Variants in ZFP36 observed in about 807,000 individuals in gnomAD.
ZFP36 encodes ZFP36 zinc finger CCCH-type, also known as mRNA decay activator protein ZFP36.
In ZFP36, 13 loss-of-function variants were observed where a neutral mutation model predicts 19.8. The ratio of observed to expected loss-of-function variants is 0.66; its 90% confidence interval spans 0.43 to 1.04. The LOEUF (loss-of-function observed/expected upper bound fraction) is 1.04. ZFP36 is among the 50% of genes least tolerant of loss of function. ZFP36 has a pLI of 0.00. For synonymous variants in ZFP36, 191 were observed against 194.5 expected, an observed-to-expected ratio of 0.98 and a Z score of 0.15; for missense variants, 354 against 441.6, an observed-to-expected ratio of 0.80 and a Z score of 1.78.
chr19:39,406,884 C>A lies in ZFP36; in HGVS notation c.-21C>A. 1 of 1,607,942 alleles carries A rather than the reference C, an allele frequency of 6.2e-7. No homozygotes were observed. Among genetic ancestry groups the A allele is most frequent in the South Asian group, 1.1e-5 (1 of 90,334 alleles). ...GCGCTCCCACTCTCGGCCGACACCCCTCATGGCCAACCGTTACACCATGGA... is the reference window on the plus strand; with the variant it reads ...GCGCTCCCACTCTCGGCCGACACCCATCATGGCCAACCGTTACACCATGGA... On this transcript the variant is annotated 5_prime_UTR_variant, in exon 1 of 2. Transcript: ENST00000597629.
chr19:39,408,776 C>T lies in ZFP36; in HGVS notation c.*77C>T, dbSNP rs968075071. 7 of 1,396,306 alleles carry T rather than the reference C, an allele frequency of 5.0e-6. No individual in the cohort carries two copies. Among genetic ancestry groups the T allele is most frequent in the Admixed American group, 4.7e-5 (2 of 42,114 alleles). 86.5% of individuals were successfully genotyped at this position (1,396,306 alleles called of 1,614,324 possible). A position where few individuals can be genotyped will look rare whatever the true frequency, so the allele number is the denominator to read the frequency against. ...CTTGCACTGTGGTCTCTGCATGGAC[C>T]CCAGGGCTGTGGGGACTTGGGGGAC... On this transcript the variant is annotated 3_prime_UTR_variant, in exon 2 of 2. Coordinates refer to ENST00000597629, the MANE Select transcript of ZFP36 (RefSeq NM_003407.5). The surrounding 1 kb of genome is among the most constrained non-coding windows in gnomAD (Gnocchi z 6.0).
intron 1 of ZFP36, 53 bp downstream of exon 1, chr19:39,406,981 C>G: frequency 6.3e-7 from 1 of 1,598,834 alleles, no homozygotes; most frequent in East Asian, 2.3e-5. Context: ...AGTCCGAGTC[C>G]CCACCTCTCT....
In ZFP36 at chr19:39,407,983, C is replaced by T; in HGVS notation, c.265C>T (p.Pro89Ser). Residue 89 changes from proline (P) to serine (S), a missense_variant, in exon 2 of 2, where the codon CCC becomes TCC. By Grantham distance (74) the Pro-to-Ser change is moderately conservative. Coordinates refer to ENST00000597629, the MANE Select transcript of ZFP36 (RefSeq NM_003407.5). This position sits in a 1 kb window ranked among gnomAD's most constrained non-coding sequence, Gnocchi z 7.6. Reference sequence around the variant, plus strand: ...TCCCCGCCTGGGCCCTGAGCTGTCACCCTCACCCACTTCGCCCACTGCAAC... The same window carrying T: ...TCCCCGCCTGGGCCCTGAGCTGTCATCCTCACCCACTTCGCCCACTGCAAC... ...LAPRLGPELS[P>S]SPTSPTATST... 1 of 1,608,826 alleles carries T rather than the reference C, an allele frequency of 6.2e-7. No homozygotes were observed. Among genetic ancestry groups the T allele is most frequent in the Non-Finnish European group, 8.5e-7 (1 of 1,179,568 alleles).
In ZFP36 at chr19:39,407,185, G is replaced by A; in HGVS notation, c.24+257G>A. On this transcript the variant is annotated intron_variant, in intron 1 of 1. Transcript: ENST00000597629. The surrounding 1 kb of genome is among the most constrained non-coding windows in gnomAD (Gnocchi z 7.6). ...CGGCCCATGCAAGTGGAAAGTCGGAGAACTTTTCTCAGACCGAGGCTGCCT... is the reference window on the plus strand; with the variant it reads ...CGGCCCATGCAAGTGGAAAGTCGGAAAACTTTTCTCAGACCGAGGCTGCCT... 1.8e-6 allele frequency: 1 copy of A among 541,132 alleles called. No individual in the cohort carries two copies. The highest frequency in any genetic ancestry group is 3.3e-6 in the Non-Finnish European group (1 of 307,682). 33.5% of individuals were successfully genotyped at this position (541,132 alleles called of 1,614,324 possible). A position where few individuals can be genotyped will look rare whatever the true frequency, so the allele number is the denominator to read the frequency against.
rs200407511 is a variant in ZFP36, at chr19:39,407,803, A to C, written c.85A>C (p.Ser29Arg). Residue 29 changes from serine (S) to arginine (R), a missense_variant, in exon 2 of 2, where the codon AGC becomes CGC. By Grantham distance (110) the Ser-to-Arg change is moderately radical (BLOSUM62 -1). Transcript: ENST00000597629. The surrounding 1 kb of genome is among the most constrained non-coding windows in gnomAD (Gnocchi z 7.6). ...VPSDHGGTESSPGWGSSGPWS... is the reference protein window; with the variant it reads ...VPSDHGGTESRPGWGSSGPWS... ...ATCCGACCATGGAGGGACTGAGTCC[A>C]GCCCAGGCTGGGGCTCCTCGGGACC... The C allele has an allele frequency of 2.1e-5, 34 of 1,593,378 alleles. No individual in the cohort carries two copies. In the East Asian group the frequency reaches 4.0e-4, roughly 19 times the overall value.
In ZFP36 at chr19:39,407,156, G is replaced by A. The variant is rs1568382906; in HGVS notation, c.24+228G>A. The A allele has an allele frequency of 7.2e-6, 4 of 553,762 alleles. No homozygotes were observed. The highest frequency in any genetic ancestry group is 1.3e-5 in the Non-Finnish European group (4 of 318,068). The allele number at this position is 553,762 out of a possible 1,614,324, so 34.3% of individuals were successfully genotyped here. A position where few individuals can be genotyped will look rare whatever the true frequency, so the allele number is the denominator to read the frequency against. The stretch of plus-strand genomic sequence containing the variant: ...CCCGGCTCTTCGCTCAAACATGGGT[G>A]GGGCGGCCCATGCAAGTGGAAAGTC... On this transcript the variant is annotated intron_variant, in intron 1 of 1. Coordinates refer to ENST00000597629, the MANE Select transcript of ZFP36 (RefSeq NM_003407.5). This position sits in a 1 kb window ranked among gnomAD's most constrained non-coding sequence, Gnocchi z 7.6.
chr19:39,408,520 C>T lies in ZFP36; in HGVS notation c.802C>T (p.Leu268=). Residue 268 remains leucine, a synonymous_variant, in exon 2 of 2, where the codon CTG becomes TTG. Coordinates refer to ENST00000597629, the MANE Select transcript of ZFP36 (RefSeq NM_003407.5). This position sits in a 1 kb window ranked among gnomAD's most constrained non-coding sequence, Gnocchi z 6.0. ...CAGCGTCTGGGGGCCCTTGGGTGGC[C>T]TGGTTCGGACCCCCTCTGTACAGTC... The part of the protein sequence containing the change: ...PISVWGPLGG[L]VRTPSVQSLG... 6.2e-7 allele frequency: 1 copy of T among 1,604,710 alleles called. No individual in the cohort carries two copies. The highest frequency in any genetic ancestry group is 1.3e-5 in the African/African-American group (1 of 74,708).
At position 39,407,283 on chromosome 19, in the gene ZFP36, C is replaced by T. The variant is rs1421568611; in HGVS notation, c.24+355C>T. Among the ~76,000 whole-genome samples, 1 of 152,190 alleles carries T rather than the reference C, an allele frequency of 6.6e-6. No homozygotes were observed. The highest frequency in any genetic ancestry group is 1.5e-5 in the Non-Finnish European group (1 of 68,032). Reference sequence around the variant, plus strand: ...AGGGCGTGGTTTTGCGCGGAGGCGTCTCTGGGGCTGAAGTCTCAGGGTGGG... The same window carrying T: ...AGGGCGTGGTTTTGCGCGGAGGCGTTTCTGGGGCTGAAGTCTCAGGGTGGG... On this transcript the variant is annotated intron_variant, in intron 1 of 1. Transcript: ENST00000597629. This position sits in a 1 kb window ranked among gnomAD's most constrained non-coding sequence, Gnocchi z 7.6.
In ZFP36 at chr19:39,408,532, C is replaced by G. The variant is rs771093166; in HGVS notation, c.814C>G (p.Pro272Ala). Residue 272 changes from proline to alanine, a missense_variant, in exon 2 of 2, where the codon CCC (proline) becomes GCC (alanine). Pro to Ala is a conservative substitution (Grantham distance 27, BLOSUM62 -1). Coordinates refer to ENST00000597629, the MANE Select transcript of ZFP36 (RefSeq NM_003407.5). This position sits in a 1 kb window ranked among gnomAD's most constrained non-coding sequence, Gnocchi z 6.0. ...GCCCTTGGGTGGCCTGGTTCGGACC[C>G]CCTCTGTACAGTCCCTGGGATCCGA... ...WGPLGGLVRT[P>A]SVQSLGSDPD... is the part of the protein sequence containing the mutation. 2.2e-5 allele frequency: 36 copies of G among 1,608,430 alleles called. No homozygotes were observed. The highest frequency in any genetic ancestry group is 2.7e-5 in the Non-Finnish European group (32 of 1,177,432).
rs1192957407 is a variant in ZFP36 at position 39,407,675 on chromosome 19, A to C, written c.25-68A>C. ...CCCACAAACCGGCCTGGCAAGCTCT[A>C]GTTCCCTGCAGCTGGGGTGGGGCGT... On this transcript the variant is annotated intron_variant, in intron 1 of 1. Coordinates refer to ENST00000597629, the MANE Select transcript of ZFP36 (RefSeq NM_003407.5). This position sits in a 1 kb window ranked among gnomAD's most constrained non-coding sequence, Gnocchi z 7.6. 3.5e-6 allele frequency: 5 copies of C among 1,419,134 alleles called. No homozygotes were observed. In the Admixed American group the frequency reaches 1.2e-4, roughly 33 times the overall value. The allele number at this position is 1,419,134 out of a possible 1,614,324, so 87.9% of individuals were successfully genotyped here.
In ZFP36 at chr19:39,407,993, C is replaced by T. The variant is rs1047617445; in HGVS notation, c.275C>T (p.Thr92Ile). The stretch of plus-strand genomic sequence containing the variant: ...GGCCCTGAGCTGTCACCCTCACCCA[C>T]TTCGCCCACTGCAACCTCCACCACC... ...RLGPELSPSP[T>I]SPTATSTTPS... is the part of the protein sequence containing the mutation. The change falls in exon 2 of 2, where the codon ACT becomes ATT. Residue 92 changes from threonine to isoleucine, a missense_variant. Physicochemically the swap from Thr to Ile is moderately conservative, Grantham distance 89 (BLOSUM62 -1). Transcript: ENST00000597629. This position sits in a 1 kb window ranked among gnomAD's most constrained non-coding sequence, Gnocchi z 7.6. 6.2e-7 allele frequency: 1 copy of T among 1,610,316 alleles called. No individual in the cohort carries two copies. The highest frequency in any genetic ancestry group is 8.5e-7 in the Non-Finnish European group (1 of 1,179,784).
rs1236676198 is a variant in ZFP36, at chr19:39,407,727, C to T, written c.25-16C>T. ...GCCCTGCATTTTCAGGTGCCTTAAC[C>T]GACCCATTTCCGCAGAGCCTCCTGT... is the stretch of plus-strand genomic sequence containing the variant. On this transcript the variant is annotated splice_polypyrimidine_tract_variant and intron_variant, in intron 1 of 1. Transcript: ENST00000597629. The surrounding 1 kb of genome is among the most constrained non-coding windows in gnomAD (Gnocchi z 7.6). 3.3e-6 allele frequency: 5 copies of T among 1,514,926 alleles called. No individual in the cohort carries two copies. The highest frequency in any genetic ancestry group is 4.4e-6 in the Non-Finnish European group (5 of 1,137,840). The allele number at this position is 1,514,926 out of a possible 1,614,324, so 93.8% of individuals were successfully genotyped here. A position where few individuals can be genotyped will look rare whatever the true frequency, so the allele number is the denominator to read the frequency against.
Position 39,407,997 on chromosome 19 carries a change from G to T in ZFP36, c.279G>T (p.Ser93=), listed in dbSNP as rs1455536691. 3 of 1,610,352 alleles carry T rather than the reference G, an allele frequency of 1.9e-6. No homozygotes were observed. Among genetic ancestry groups the T allele is most frequent in the Non-Finnish European group, 1.7e-6 (2 of 1,179,750 alleles). The change falls in exon 2 of 2, where the codon TCG becomes TCT. Residue 93 remains serine (S), a synonymous_variant. Coordinates refer to ENST00000597629, the MANE Select transcript of ZFP36 (RefSeq NM_003407.5). The surrounding 1 kb of genome is among the most constrained non-coding windows in gnomAD (Gnocchi z 7.6). ...LGPELSPSPT[S]PTATSTTPSR... The stretch of plus-strand genomic sequence containing the variant: ...CTGAGCTGTCACCCTCACCCACTTC[G>T]CCCACTGCAACCTCCACCACCCCCT...
In ZFP36 at chr19:39,407,602, A is replaced by G; in HGVS notation, c.25-141A>G. On this transcript the variant is annotated intron_variant, in intron 1 of 1. Transcript: ENST00000597629. The surrounding 1 kb of genome is among the most constrained non-coding windows in gnomAD (Gnocchi z 7.6). ...GAACCTCCAACTCTGGGTTCCTGGC[A>G]TCCGGAACCCAGGGGTTTCTGCGGG... The G allele has an allele frequency of 2.8e-6, 2 of 725,550 alleles. No homozygotes were observed. The highest frequency in any genetic ancestry group is 4.6e-5 in the South Asian group (2 of 43,386). The allele number at this position is 725,550 out of a possible 1,614,324, so 44.9% of individuals were successfully genotyped here. A position where few individuals can be genotyped will look rare whatever the true frequency, so the allele number is the denominator to read the frequency against.
Position 39,407,069 on chromosome 19 carries a change from G to C in ZFP36, c.24+141G>C. ...CCCTAGCGCCGCGCCCTCCAGCCTG[G>C]GGCCCCTGCCTCCCGCTCAGACCAG... is the stretch of plus-strand genomic sequence containing the variant. On this transcript the variant is annotated intron_variant, in intron 1 of 1. Coordinates refer to ENST00000597629, the MANE Select transcript of ZFP36 (RefSeq NM_003407.5). This position sits in a 1 kb window ranked among gnomAD's most constrained non-coding sequence, Gnocchi z 7.6. The C allele has an allele frequency of 9.5e-7, 1 of 1,048,772 alleles. No individual in the cohort carries two copies. The highest frequency in any genetic ancestry group is 1.3e-6 in the Non-Finnish European group (1 of 745,840). The allele number at this position is 1,048,772 out of a possible 1,614,324, so 65.0% of individuals were successfully genotyped here.
Position 39,406,876 on chromosome 19 carries a change from C to T in ZFP36, c.-29C>T. 2 of 1,600,682 alleles carry T rather than the reference C, an allele frequency of 1.2e-6. No homozygotes were observed. Among genetic ancestry groups the T allele is most frequent in the Non-Finnish European group, 1.7e-6 (2 of 1,175,360 alleles). On this transcript the variant is annotated 5_prime_UTR_variant, in exon 1 of 2. Transcript: ENST00000597629. ...TGACTTCAGCGCTCCCACTCTCGGC[C>T]GACACCCCTCATGGCCAACCGTTAC...
chr19:39,407,644 G>A lies in ZFP36; in HGVS notation c.25-99G>A. On this transcript the variant is annotated intron_variant, in intron 1 of 1. Coordinates refer to ENST00000597629, the MANE Select transcript of ZFP36 (RefSeq NM_003407.5). This position sits in a 1 kb window ranked among gnomAD's most constrained non-coding sequence, Gnocchi z 7.6. ...TTCTGCGGGCGGGTGGGGCTCAGGC[G>A]GGGAGCCCACAAACCGGCCTGGCAA... 2 of 1,127,364 alleles carry A rather than the reference G, an allele frequency of 1.8e-6. No homozygotes were observed. The highest frequency in any genetic ancestry group is 2.5e-6 in the Non-Finnish European group (2 of 814,032). 69.8% of individuals were successfully genotyped at this position (1,127,364 alleles called of 1,614,324 possible).
At position 39,408,218 on chromosome 19, in the gene ZFP36, A is replaced by G. The variant is rs767470982; in HGVS notation, c.500A>G (p.Asn167Ser). 1.9e-6 allele frequency: 3 copies of G among 1,613,400 alleles called. No homozygotes were observed. In the Admixed American group the frequency reaches 5.0e-5, roughly 27 times the overall value. Residue 167 changes from asparagine (N) to serine (S), a missense_variant, in exon 2 of 2, where the codon AAC (asparagine) becomes AGC (serine). Transcript: ENST00000597629. This position sits in a 1 kb window ranked among gnomAD's most constrained non-coding sequence, Gnocchi z 6.0. ...GGCTCTCGCTGCCACTTCATCCACA[A>G]CCCTAGCGAAGACCTGGCGGCCCCG... ...PYGSRCHFIH[N>S]PSEDLAAPGH...
At position 39,407,624 on chromosome 19, in the gene ZFP36, C is replaced by A. The variant is rs987873165; in HGVS notation, c.25-119C>A. The A allele has an allele frequency of 1.2e-5, 11 of 897,684 alleles. No individual in the cohort carries two copies. Among genetic ancestry groups the A allele is most frequent in the Non-Finnish European group, 1.8e-5 (11 of 615,396 alleles). The allele number at this position is 897,684 out of a possible 1,614,324, so 55.6% of individuals were successfully genotyped here. On this transcript the variant is annotated intron_variant, in intron 1 of 1. Transcript: ENST00000597629. This position sits in a 1 kb window ranked among gnomAD's most constrained non-coding sequence, Gnocchi z 7.6. ...GGCATCCGGAACCCAGGGGTTTCTG[C>A]GGGCGGGTGGGGCTCAGGCGGGGAG...
Sources: gnomAD v4.1 joint callset for allele counts (sites outside exome capture counted in the v4.1 genomes callset) on GRCh38, gnomAD v4.1.1 for gene constraint, Gnocchi (gnomAD v3.1) non-coding constraint, MANE v1.5 for transcripts, NCBI Gene and HGNC (gene_info 2026-07-23, HGNC 2026-07-21) for gene names.